PPP2R2A: variants seen among roughly 807,000 people sequenced by gnomAD.
PPP2R2A encodes the protein serine/threonine-protein phosphatase 2A 55 kDa regulatory subunit B alpha isoform.
In PPP2R2A, 9 loss-of-function variants were observed where a neutral mutation model predicts 53.2. The ratio of observed to expected loss-of-function variants is 0.17; its 90% CI spans 0.10 to 0.30. The LOEUF is 0.30. PPP2R2A is among the 10% of genes least tolerant of loss of function. PPP2R2A has a pLI of 1.00. For synonymous variants in PPP2R2A, 169 were observed against 174.2 expected (o/e 0.97, Z 0.23); for missense variants, 235 against 534.6 (o/e 0.44, Z 5.53).
intron 2 of PPP2R2A, among the ~76,000 whole-genome samples, chr8:26,300,351 A>G (rs746488496): frequency 1.7e-4 from 26 of 152,240 alleles, no homozygotes; most frequent in Non-Finnish European, 4.4e-5. Context: ...GTATTTGCAT[A>G]TAAGTGTTTG....
chr8:26,302,400 A>T (rs1275264697), intron 2 of PPP2R2A, among the ~76,000 whole-genome samples: 1 of 152,238 alleles, frequency 6.6e-6, no homozygotes, highest in African/African-American at 2.4e-5. Flanking sequence ...GATACTATGT[A>T]ATGTGTTAAC....
At position 26,330,102 on chromosome 8, in the gene PPP2R2A, G is replaced by C. The variant is rs138974065; in HGVS notation, c.83-8788G>C. 3.7e-4 allele frequency among the ~76,000 whole-genome samples: 56 copies of C among 152,038 alleles called. No individual in the cohort carries two copies. The East Asian group carries it at 0.011, about 29-fold the overall frequency. On this transcript the variant is annotated intron_variant, in intron 2 of 9. Coordinates refer to ENST00000380737, the MANE Select transcript of PPP2R2A (RefSeq NM_002717.4). Reference sequence around the variant, plus strand: ...GATGTTATCCCACAGGTCAGGTCTTGGTTACTTTTTCTTCCTGTCTTTGCT... The same window carrying C: ...GATGTTATCCCACAGGTCAGGTCTTCGTTACTTTTTCTTCCTGTCTTTGCT...
chr8:26,361,252 CTG>C lies in PPP2R2A; in HGVS notation c.637+105_637+106del, dbSNP rs745681390. The C allele has an allele frequency of 9.1e-6, 11 of 1,211,036 alleles. No homozygotes were observed. In the Admixed American group the frequency reaches 1.4e-4, roughly 15 times the overall value. The allele number at this position is 1,211,036 out of a possible 1,614,324, so 75.0% of individuals were successfully genotyped here. ...AATGAATTTGGTTGCTTTTTATAGT[CTG>C]TGTACATATATGTATGGCACCTTAT... On this transcript the variant is annotated intron_variant, in intron 6 of 9. Coordinates refer to ENST00000380737, the MANE Select transcript of PPP2R2A (RefSeq NM_002717.4).
At chr8:26,313,875 A>T (rs1802411564) in intron 2 of PPP2R2A, among the ~76,000 whole-genome samples, 1 of 152,200 alleles carries the variant, frequency 6.6e-6, no homozygotes, top group Non-Finnish European at 1.5e-5. Context: ...TTTTGACTTT[A>T]ACTGTAAGAG....
intron 1 of PPP2R2A, chr8:26,293,365 T>A (rs756810436): frequency 5.2e-5 from 64 of 1,223,278 alleles, no homozygotes; most frequent in Non-Finnish European, 7.2e-5. Context: ...ACTTTTTTTC[T>A]GGTAGGTCTT....
At chr8:26,367,853 A>G (rs1805460818) in intron 9 of PPP2R2A, among the ~76,000 whole-genome samples, 1 of 152,220 alleles carries the variant, frequency 6.6e-6, no homozygotes, top group African/African-American at 2.4e-5. Flanking sequence ...ATGGCACAGA[A>G]CAAAGTCAGT....
At chr8:26,315,752 T>A (rs1318025608) in intron 2 of PPP2R2A, among the ~76,000 whole-genome samples, 1 of 152,242 alleles carries the variant, frequency 6.6e-6, no homozygotes, top group Non-Finnish European at 1.5e-5. Context: ...GTTGTTACCT[T>A]CCTTCTGCTG....
rs115020898 is a variant in PPP2R2A, at chr8:26,304,076, C to T, written c.82+10336C>T. On this transcript the variant is annotated intron_variant, in intron 2 of 9. Coordinates refer to ENST00000380737, the MANE Select transcript of PPP2R2A (RefSeq NM_002717.4). The stretch of plus-strand genomic sequence containing the variant: ...CTTCTGCTCTAATCTTGAGTTATGC[C>T]TGTGTTTACACACTTACTGAAACTT... 1.4e-3 allele frequency among the ~76,000 whole-genome samples: 212 copies of T among 152,324 alleles called. 1 individual carries two copies. The highest frequency in any genetic ancestry group is 4.7e-3 in the African/African-American group (195 of 41,580).
rs114700229 is a variant in PPP2R2A, at chr8:26,335,131, C to T, written c.83-3759C>T. Among the ~76,000 whole-genome samples the T allele has an allele frequency of 5.2e-3, 785 of 152,336 alleles. 6 individuals are homozygous for T. Among genetic ancestry groups the T allele is most frequent in the African/African-American group, 0.018 (751 of 41,574 alleles). On this transcript the variant is annotated intron_variant, in intron 2 of 9. Coordinates refer to ENST00000380737, the MANE Select transcript of PPP2R2A (RefSeq NM_002717.4). ...CTTGGCATGCCGGTATGCAGTGGCACATACGGTACAAAGCTGCTTCAGCGT... is the reference window on the plus strand; with the variant it reads ...CTTGGCATGCCGGTATGCAGTGGCATATACGGTACAAAGCTGCTTCAGCGT...
At chr8:26,347,169 A>T (rs536995267) in intron 3 of PPP2R2A, among the ~76,000 whole-genome samples, 1 of 151,722 alleles carries the variant, frequency 6.6e-6, no homozygotes, top group South Asian at 2.1e-4. Flanking sequence ...TAGTAAAATG[A>T]ATCTTTTTTT....
At chr8:26,304,178 A>AT (rs1337263336) in intron 2 of PPP2R2A, among the ~76,000 whole-genome samples, 1 of 143,930 alleles carries the variant, frequency 6.9e-6, no homozygotes, top group Non-Finnish European at 1.5e-5. Context: ...TTAGGAGGGT[A>AT]TTTTTTCTTA....
At chr8:26,336,486 C>G (rs1299996566) in intron 2 of PPP2R2A, among the ~76,000 whole-genome samples, 1 of 152,146 alleles carries the variant, frequency 6.6e-6, no homozygotes, top group South Asian at 2.1e-4. Flanking sequence ...AGTCTCAAAT[C>G]TCAATTGTTT....
rs1805592157 is a variant in PPP2R2A at position 26,370,018 on chromosome 8, C to T, written c.1065-116C>T. On this transcript the variant is annotated intron_variant, in intron 9 of 9. Transcript: ENST00000380737. This position sits in a 1 kb window ranked among gnomAD's most constrained non-coding sequence, Gnocchi z 6.1. ...TGAGTTGATGTCAACAGCCCCTGTC[C>T]CTTAGTTTAAATCTGCTTTTGAAGT... 9.6e-7 allele frequency: 1 copy of T among 1,040,576 alleles called. No individual in the cohort carries two copies. The highest frequency in any genetic ancestry group is 1.6e-5 in the African/African-American group (1 of 62,186). 64.5% of individuals were successfully genotyped at this position (1,040,576 alleles called of 1,614,324 possible).
intron 2 of PPP2R2A, among the ~76,000 whole-genome samples, chr8:26,313,865 T>C (rs1802410922): frequency 6.6e-6 from 1 of 152,168 alleles, no homozygotes; most frequent in South Asian, 2.1e-4. Context: ...TGAAACTGTT[T>C]TTTGACTTTA....
intron 3 of PPP2R2A, among the ~76,000 whole-genome samples, chr8:26,346,091 C>G (rs1308869965): frequency 6.6e-6 from 1 of 150,858 alleles, no homozygotes; most frequent in Admixed American, 6.6e-5. Flanking sequence ...TCCACCTTCC[C>G]CACCCATTCA....
At chr8:26,357,451 A>G (rs1804848002) in intron 4 of PPP2R2A, among the ~76,000 whole-genome samples, 1 of 152,098 alleles carries the variant, frequency 6.6e-6, no homozygotes, top group Non-Finnish European at 1.5e-5. Flanking sequence ...GATCATTTTT[A>G]CTTAAAGGAC....
intron 2 of PPP2R2A, among the ~76,000 whole-genome samples, chr8:26,330,307 C>CTTTTTTTTTTTTT (rs11351968): frequency 7.7e-6 from 1 of 129,992 alleles, no homozygotes; most frequent in Non-Finnish European, 1.6e-5. Context: ...ATTCTTTTTT[C>CTTTTTTTTTTTTT]TTTTTTTTTT....
At position 26,371,313 on chromosome 8, in the gene PPP2R2A, T is replaced by C. The variant is rs1030369795; in HGVS notation, c.*900T>C. On this transcript the variant is annotated 3_prime_UTR_variant, in exon 10 of 10. Transcript: ENST00000380737. ...TGGTTCTCTATGAACATATTTTGAA[T>C]ATAGGTTTTATTAAGGATTTCACAA... is the stretch of plus-strand genomic sequence containing the variant. 2.0e-5 allele frequency: 3 copies of C among 151,984 alleles called. No individual in the cohort carries two copies. Among genetic ancestry groups the C allele is most frequent in the African/African-American group, 7.2e-5 (3 of 41,422 alleles). 9.4% of individuals were successfully genotyped at this position (151,984 alleles called of 1,614,324 possible).
At chr8:26,366,872 G>A (rs1805405400) in intron 9 of PPP2R2A, among the ~76,000 whole-genome samples, 1 of 152,052 alleles carries the variant, frequency 6.6e-6, no homozygotes, top group Non-Finnish European at 1.5e-5. Flanking sequence ...AATTTTAGTA[G>A]TAGTTATCCT....
Sources: allele counts gnomAD v4.1 joint callset (sites outside exome capture counted in the v4.1 genomes callset), GRCh38; gene constraint gnomAD v4.1.1; non-coding constraint Gnocchi (gnomAD v3.1); transcripts MANE v1.5; gene names NCBI Gene and HGNC (gene_info 2026-07-23, HGNC 2026-07-21).